Variants in ZFHX4 observed in about 807,000 individuals in gnomAD.
The protein encoded by ZFHX4 is zinc finger homeobox protein 4.
ZFHX4 carries 56 observed loss-of-function variants against 267.6 expected under a neutral mutation model. The ratio of observed to expected loss-of-function variants is 0.21; its 90% confidence interval spans 0.17 to 0.26. The LOEUF is 0.26. Among genes scored for constraint, ZFHX4 ranks in the 10% least tolerant of loss-of-function variants. The pLI, the probability that ZFHX4 is intolerant of heterozygous loss-of-function variation, is 1.00. For missense variants in ZFHX4, 4,332 were observed against 4,420.0 expected, an observed-to-expected ratio of 0.98 and a Z score of 0.56; for synonymous variants, 1,778 against 1,665.6, an observed-to-expected ratio of 1.07 and a Z score of -1.64.
intron 4 of ZFHX4, among the ~76,000 whole-genome samples, chr8:76,810,246 C>T (rs920852128): frequency 6.6e-6 from 1 of 152,138 alleles, no homozygotes; most frequent in Non-Finnish European, 1.5e-5. Flanking sequence ...AAAAGGGAAG[C>T]TTTAAAAGAA....
chr8:76,732,483 A>C (rs1038985821), intron 3 of ZFHX4, among the ~76,000 whole-genome samples: 1 of 151,874 alleles, frequency 6.6e-6, no homozygotes, highest in African/African-American at 2.4e-5. Context: ...TAATATATAT[A>C]TTATTTACAG....
intron 4 of ZFHX4, among the ~76,000 whole-genome samples, chr8:76,783,105 T>C (rs928578580): frequency 1.3e-5 from 2 of 152,034 alleles, no homozygotes; most frequent in Non-Finnish European, 2.9e-5. Flanking sequence ...AATTTTGTCA[T>C]GGCCTCACGA....
chr8:76,814,357 A>G (rs1811449536), intron 4 of ZFHX4, among the ~76,000 whole-genome samples: 1 of 152,232 alleles, frequency 6.6e-6, no homozygotes, highest in South Asian at 2.1e-4. Context: ...ATATGATAAA[A>G]GAGAATGGAG....
chr8:76,852,204 A>G lies in ZFHX4; in HGVS notation c.5283A>G (p.Thr1761=). The G allele has an allele frequency of 6.2e-7, 1 of 1,613,778 alleles. No homozygotes were observed. Among genetic ancestry groups the G allele is most frequent in the Non-Finnish European group, 8.5e-7 (1 of 1,179,802 alleles). Residue 1761 remains threonine, a synonymous_variant, in exon 10 of 11, where the codon ACA becomes ACG. Transcript: ENST00000651372. The part of the protein sequence containing the change: ...GPDLGLPGSA[T]FGMPGMTGMA... ...ATTTGGGCTTGCCAGGCTCTGCCACATTTGGGATGCCTGGCATGACAGGAA... is the reference window on the plus strand; with the variant it reads ...ATTTGGGCTTGCCAGGCTCTGCCACGTTTGGGATGCCTGGCATGACAGGAA...
intron 4 of ZFHX4, among the ~76,000 whole-genome samples, chr8:76,786,851 G>T (rs1053933116): frequency 6.6e-6 from 1 of 152,086 alleles, no homozygotes; most frequent in African/African-American, 2.4e-5. Context: ...AGGTTCGGAG[G>T]TTCAGGGCTA....
chr8:76,859,680 C>T (rs540962383), intron 10 of ZFHX4, among the ~76,000 whole-genome samples: 13 of 152,164 alleles, frequency 8.5e-5, no homozygotes, highest in Middle Eastern at 3.4e-3. Context: ...TTTTCTCATA[C>T]TTTAATGTAA....
intron 3 of ZFHX4, among the ~76,000 whole-genome samples, chr8:76,765,275 T>C (rs77755232): frequency 2.3e-3 from 345 of 152,296 alleles, no homozygotes; most frequent in African/African-American, 7.8e-3. Context: ...TGCAAAGTTC[T>C]ACCAGAAAGC....
intron 3 of ZFHX4, among the ~76,000 whole-genome samples, chr8:76,737,963 C>A (rs1809209189): frequency 6.6e-6 from 1 of 152,016 alleles, no homozygotes; most frequent in Non-Finnish European, 1.5e-5. Flanking sequence ...GGACAGAGAT[C>A]CCTCTGGAAG....
chr8:76,837,069 C>T (rs1225646139), intron 5 of ZFHX4, among the ~76,000 whole-genome samples: 2 of 151,966 alleles, frequency 1.3e-5, no homozygotes, highest in Non-Finnish European at 2.9e-5. Flanking sequence ...GCATACTAAA[C>T]TAGATAGACT....
At chr8:76,817,263 A>G (rs1471706) in intron 4 of ZFHX4, among the ~76,000 whole-genome samples, 1 of 152,230 alleles carries the variant, frequency 6.6e-6, no homozygotes, top group Non-Finnish European at 1.5e-5. Context: ...TTGAGAAAGT[A>G]CTATTGGTAC....
intron 3 of ZFHX4, among the ~76,000 whole-genome samples, chr8:76,775,149 T>A (rs1056746264): frequency 7.9e-5 from 12 of 152,306 alleles, no homozygotes; most frequent in African/African-American, 2.9e-4. Flanking sequence ...GACAGTTATA[T>A]TTAAATGCAA....
chr8:76,723,247 G>A (rs1461107232), intron 3 of ZFHX4, among the ~76,000 whole-genome samples: 2 of 151,934 alleles, frequency 1.3e-5, no homozygotes, highest in African/African-American at 2.4e-5. Context: ...CCTTTGGTAT[G>A]ATACAACAAT....
At chr8:76,687,403 C>T (rs2131578152) in intron 1 of ZFHX4, among the ~76,000 whole-genome samples, 1 of 152,288 alleles carries the variant, frequency 6.6e-6, no homozygotes, top group East Asian at 1.9e-4. Context: ...CTGTTCATTA[C>T]CCATGAAGAG....
chr8:76,770,522 G>T (rs532385021), intron 3 of ZFHX4, among the ~76,000 whole-genome samples: 2 of 152,128 alleles, frequency 1.3e-5, no homozygotes, highest in South Asian at 4.1e-4. Context: ...CTATATGCTG[G>T]ACATTATTTA....
In ZFHX4 at chr8:76,849,039, G is replaced by T. The variant is rs1489736993; in HGVS notation, c.3556G>T (p.Gly1186Cys). 1.3e-5 allele frequency: 20 copies of T among 1,561,956 alleles called. No individual in the cohort carries two copies. Among genetic ancestry groups the T allele is most frequent in the Non-Finnish European group, 1.6e-5 (19 of 1,152,716 alleles). Residue 1186 changes from glycine to cysteine, a missense_variant, in exon 7 of 11, where the codon GGT (glycine) becomes TGT (cysteine). Gly to Cys is a radical substitution (Grantham distance 159). Coordinates refer to ENST00000651372, the MANE Select transcript of ZFHX4 (RefSeq NM_024721.5). ...EKELKVSVAG[G>C]TQPLLLAKEE... ...GGAACTAAAAGTTAGTGTGGCAGGG[G>T]GTACCCAGCCACTCCTGCTGGCAAA...
chr8:76,835,231 A>G (rs1336908228), intron 5 of ZFHX4, among the ~76,000 whole-genome samples: 8 of 124,790 alleles, frequency 6.4e-5, no homozygotes, highest in South Asian at 2.4e-4. Context: ...ATATATATAT[A>G]TATATATATG....
Position 76,705,493 on chromosome 8 carries a change from C to G in ZFHX4, c.1405C>G (p.Pro469Ala). 6.2e-7 allele frequency: 1 copy of G among 1,613,688 alleles called. No homozygotes were observed. Among genetic ancestry groups the G allele is most frequent in the Non-Finnish European group, 8.5e-7 (1 of 1,179,768 alleles). ...ECPVKSEPTEPGDEDEEDAYS... is the reference protein window; with the variant it reads ...ECPVKSEPTEAGDEDEEDAYS... Reference sequence around the variant, plus strand: ...CCCTGTCAAAAGTGAACCCACTGAACCGGGAGATGAGGATGAAGAAGATGC... The same window carrying G: ...CCCTGTCAAAAGTGAACCCACTGAAGCGGGAGATGAGGATGAAGAAGATGC... The change falls in exon 2 of 11, where the codon CCG becomes GCG. Residue 469 changes from proline (P) to alanine (A), a missense_variant. Pro to Ala is a conservative substitution (Grantham distance 27). Around this residue, in one of 7 missense-constraint regions of ZFHX4, gnomAD observed 1,195 missense variants for 1,173.6 expected, o/e 1.02. Coordinates refer to ENST00000651372, the MANE Select transcript of ZFHX4 (RefSeq NM_024721.5).
At chr8:76,703,197 G>T (rs556693255) in intron 1 of ZFHX4, among the ~76,000 whole-genome samples, 78 of 152,220 alleles carry the variant, frequency 5.1e-4, no homozygotes, top group African/African-American at 1.9e-3. Flanking sequence ...TTAAGCCAGG[G>T]GAGATGTCGA....
intron 1 of ZFHX4, 112 bp from the exon 2 acceptor site, chr8:76,703,931 C>T: frequency 2.5e-6 from 2 of 801,644 alleles, no homozygotes; most frequent in South Asian, 4.0e-5. Flanking sequence ...AGTTTTTCCC[C>T]TTACCTTTTT....
Sources: gnomAD v4.1 joint callset for allele counts (sites outside exome capture counted in the v4.1 genomes callset) on GRCh38, gnomAD v4.1.1 for gene constraint, gnomAD v4.1.1 regional missense constraint, MANE v1.5 for transcripts, NCBI Gene and HGNC (gene_info 2026-07-23, HGNC 2026-07-21) for gene names.